The following PDCD5 variants were observed in gnomAD, a reference collection of about 807,000 sequenced individuals.
PDCD5 encodes the protein programmed cell death protein 5.
Under a neutral mutation model 21.9 loss-of-function variants are expected in PDCD5, and 23 were observed. That is an observed-to-expected ratio of 1.05 (90% CI 0.76 to 1.49). The LOEUF is 1.49. Ranked by LOEUF, PDCD5 falls within the 40% of genes most tolerant of loss-of-function variation. The pLI is 0.00. For missense variants in PDCD5, 152 were observed against 147.7 expected, an observed-to-expected ratio of 1.03 and a Z score of -0.15; for synonymous variants, 45 against 49.4, an observed-to-expected ratio of 0.91 and a Z score of 0.37.
chr19:32,586,127 T>C (rs1258447281), intron 4 of PDCD5: 10 of 1,508,764 alleles, frequency 6.6e-6, no homozygotes, highest in Non-Finnish European at 8.8e-6. Flanking sequence ...ACCTTGTTGG[T>C]GTCTGTGACC....
In PDCD5 at chr19:32,587,169, T is replaced by C. The variant is rs1971485306; in HGVS notation, c.331-84T>C. On this transcript the variant is annotated intron_variant, in intron 5 of 5. Coordinates refer to ENST00000590247, the MANE Select transcript of PDCD5 (RefSeq NM_004708.4). ...TGCTTTAAAGACACAAATGTCTTGC[T>C]AAAATTGGTAGAAATCTTTTCTCGG... The C allele has an allele frequency of 2.6e-6, 3 of 1,137,536 alleles. No individual in the cohort carries two copies. The African/African-American group carries it at 4.6e-5, about 17-fold the overall frequency. The allele number at this position is 1,137,536 out of a possible 1,614,324, so 70.5% of individuals were successfully genotyped here.
Position 32,587,203 on chromosome 19 carries a change from A to G in PDCD5, c.331-50A>G, listed in dbSNP as rs758124607. ...TAGAAATCTTTTCTCGGAAAATCTG[A>G]GTTATGCTTTATTAGAAATGTTCTG... is the stretch of plus-strand genomic sequence containing the variant. On this transcript the variant is annotated intron_variant, in intron 5 of 5. Transcript: ENST00000590247. 4.8e-5 allele frequency: 65 copies of G among 1,351,842 alleles called. 1 individual carries two copies. In the Middle Eastern group the frequency reaches 5.4e-4, roughly 11 times the overall value. The allele number at this position is 1,351,842 out of a possible 1,614,324, so 83.7% of individuals were successfully genotyped here. A position where few individuals can be genotyped will look rare whatever the true frequency, so the allele number is the denominator to read the frequency against.
chr19:32,581,252 A>T lies in PDCD5; in HGVS notation c.-10A>T. ...AGTGACCGCGGCTGCTCCAGCGCTG[A>T]CGCCGAGCCATGGCGGACGAGGAGC... On this transcript the variant is annotated 5_prime_UTR_variant, in exon 1 of 6. Transcript: ENST00000590247. 1 of 1,500,540 alleles carries T rather than the reference A, an allele frequency of 6.7e-7. No homozygotes were observed. The highest frequency in any genetic ancestry group is 8.9e-7 in the Non-Finnish European group (1 of 1,125,460). The allele number at this position is 1,500,540 out of a possible 1,614,324, so 93.0% of individuals were successfully genotyped here.
At chr19:32,582,111 A>G (rs1599721284) in intron 1 of PDCD5, 84 bp from the exon 2 acceptor site, 2 of 901,560 alleles carry the variant, frequency 2.2e-6, no homozygotes, top group Admixed American at 4.1e-5. Context: ...AGAGACTGTT[A>G]TGTATAGGAA....
Position 32,581,210 on chromosome 19 carries a change from C to A in PDCD5, c.-52C>A. On this transcript the variant is annotated 5_prime_UTR_variant, in exon 1 of 6. Coordinates refer to ENST00000590247, the MANE Select transcript of PDCD5 (RefSeq NM_004708.4). ...TGCGCAGTGGTCAAGGCCGCGCTCG[C>A]GCCGAGGGGCTGCGAGAGTGACCGC... is the stretch of plus-strand genomic sequence containing the variant. 3.7e-6 allele frequency: 5 copies of A among 1,365,616 alleles called. No homozygotes were observed. Among genetic ancestry groups the A allele is most frequent in the Non-Finnish European group, 4.9e-6 (5 of 1,028,238 alleles). The allele number at this position is 1,365,616 out of a possible 1,614,324, so 84.6% of individuals were successfully genotyped here. A position where few individuals can be genotyped will look rare whatever the true frequency, so the allele number is the denominator to read the frequency against.
chr19:32,582,248 G>T lies in PDCD5; in HGVS notation c.104+16G>T. On this transcript the variant is annotated intron_variant, in intron 2 of 5. Coordinates refer to ENST00000590247, the MANE Select transcript of PDCD5 (RefSeq NM_004708.4). The stretch of plus-strand genomic sequence containing the variant: ...CAAAGCACAGGTATGGGCTGGAAAC[G>T]TGAACTTTTTGAAGGGTGGTTTCAC... The T allele has an allele frequency of 5.0e-6, 8 of 1,607,102 alleles. No individual in the cohort carries two copies. Among genetic ancestry groups the T allele is most frequent in the Non-Finnish European group, 6.8e-6 (8 of 1,173,930 alleles).
chr19:32,583,613 C>A (rs1461207127), intron 2 of PDCD5, among the ~76,000 whole-genome samples: 2 of 151,854 alleles, frequency 1.3e-5, no homozygotes, highest in East Asian at 3.9e-4. Flanking sequence ...TTTAGAGATA[C>A]GTAAAACTAT....
intron 2 of PDCD5, among the ~76,000 whole-genome samples, chr19:32,583,424 C>T (rs1444111131): frequency 6.6e-6 from 1 of 151,590 alleles, no homozygotes; most frequent in East Asian, 1.9e-4. Flanking sequence ...AGATGACAGG[C>T]GTGCACCACC....
chr19:32,583,858 G>A (rs757470232), intron 2 of PDCD5, among the ~76,000 whole-genome samples: 3 of 152,036 alleles, frequency 2.0e-5, no homozygotes, highest in Non-Finnish European at 2.9e-5. Context: ...TTGAGATGAA[G>A]TCTCACTCCA....
At chr19:32,581,469 G>A in intron 1 of PDCD5, 142 bp downstream of exon 1, 1 of 442,018 alleles carries the variant, frequency 2.3e-6, no homozygotes, top group Non-Finnish European at 3.7e-6. Flanking sequence ...CCTCGTGGCC[G>A]GCTCAGAGGT....
At chr19:32,581,841 C>G (rs1268479126) in intron 1 of PDCD5, 1 of 283,510 alleles carries the variant, frequency 3.5e-6, no homozygotes, top group East Asian at 9.3e-5. Context: ...GATAAGGGAC[C>G]GGGACCTTAG....
intron 2 of PDCD5, among the ~76,000 whole-genome samples, chr19:32,582,802 C>T (rs1360943400): frequency 1.3e-5 from 2 of 152,158 alleles, no homozygotes; most frequent in African/African-American, 2.4e-5. Flanking sequence ...AAACCTTTAG[C>T]TACTGGACAA....
At position 32,582,251 on chromosome 19, in the gene PDCD5, A is replaced by G. The variant is rs750588526; in HGVS notation, c.104+19A>G. The G allele has an allele frequency of 6.2e-7, 1 of 1,602,516 alleles. No individual in the cohort carries two copies. The highest frequency in any genetic ancestry group is 1.3e-5 in the African/African-American group (1 of 74,590). On this transcript the variant is annotated intron_variant, in intron 2 of 5. Coordinates refer to ENST00000590247, the MANE Select transcript of PDCD5 (RefSeq NM_004708.4). ...AGCACAGGTATGGGCTGGAAACGTGAACTTTTTGAAGGGTGGTTTCACCAA... is the reference window on the plus strand; with the variant it reads ...AGCACAGGTATGGGCTGGAAACGTGGACTTTTTGAAGGGTGGTTTCACCAA...
chr19:32,583,257 T>C (rs551773167), intron 2 of PDCD5, among the ~76,000 whole-genome samples: 1 of 152,224 alleles, frequency 6.6e-6, no homozygotes, highest in Non-Finnish European at 1.5e-5. Flanking sequence ...ATGCAAGCTT[T>C]TGTACTGCCC....
chr19:32,581,202 C>G lies in PDCD5; in HGVS notation c.-60C>G, dbSNP rs1337194418. 6 of 1,300,902 alleles carry G rather than the reference C, an allele frequency of 4.6e-6. No individual in the cohort carries two copies. In the Admixed American group the frequency reaches 1.0e-4, roughly 22 times the overall value. 80.6% of individuals were successfully genotyped at this position (1,300,902 alleles called of 1,614,324 possible). ...CGAGCGCCTGCGCAGTGGTCAAGGC[C>G]GCGCTCGCGCCGAGGGGCTGCGAGA... is the stretch of plus-strand genomic sequence containing the variant. On this transcript the variant is annotated 5_prime_UTR_variant, in exon 1 of 6. Coordinates refer to ENST00000590247, the MANE Select transcript of PDCD5 (RefSeq NM_004708.4).
Position 32,586,931 on chromosome 19 carries a change from TA to T in PDCD5, c.330+4del. On this transcript the variant is annotated splice_donor_region_variant and intron_variant, in intron 5 of 5. Coordinates refer to ENST00000590247, the MANE Select transcript of PDCD5 (RefSeq NM_004708.4). ...ACAGAAAAGACAACAACAGTGAAAG[TA>T]AGTGTCCCCAGATGCTTGTGGCAAA... is the stretch of plus-strand genomic sequence containing the variant. 1.9e-6 allele frequency: 3 copies of T among 1,607,414 alleles called. No individual in the cohort carries two copies. The highest frequency in any genetic ancestry group is 2.6e-6 in the Non-Finnish European group (3 of 1,175,430).
At chr19:32,581,460 C>T (rs950372717) in intron 1 of PDCD5, 133 bp downstream of exon 1, 8 of 483,074 alleles carry the variant, frequency 1.7e-5, no homozygotes, top group African/African-American at 1.2e-4. Context: ...CCCTGGCGGC[C>T]TCGTGGCCGG....
At position 32,585,857 on chromosome 19, in the gene PDCD5, G is replaced by A; in HGVS notation, c.208G>A (p.Val70Ile). ...TGTAAAGCCTGAAAAAACTAAAGCA[G>A]TAGAGAATTACCTTATACAGATGGC... ...ALVKPEKTKA[V>I]ENYLIQMARY... The change falls in exon 4 of 6, where the codon GTA becomes ATA. Residue 70 changes from valine (V) to isoleucine (I), a missense_variant. Transcript: ENST00000590247. The A allele has an allele frequency of 6.2e-7, 1 of 1,611,176 alleles. No individual in the cohort carries two copies. Among genetic ancestry groups the A allele is most frequent in the African/African-American group, 1.3e-5 (1 of 74,984 alleles).
chr19:32,583,280 C>T (rs1309403524), intron 2 of PDCD5, among the ~76,000 whole-genome samples: 2 of 152,006 alleles, frequency 1.3e-5, no homozygotes, highest in African/African-American at 4.8e-5. Flanking sequence ...TACTGCATGG[C>T]ATATTTATTT....
Sources: allele counts gnomAD v4.1 joint callset (sites outside exome capture counted in the v4.1 genomes callset), GRCh38; gene constraint gnomAD v4.1.1; transcripts MANE v1.5; gene names NCBI Gene and HGNC (gene_info 2026-07-23, HGNC 2026-07-21).